The following DIP2A variants were observed in gnomAD, a reference collection of about 807,000 sequenced individuals.
DIP2A encodes the protein disco-interacting protein 2 homolog A.
Under a neutral mutation model 177.4 loss-of-function variants are expected in DIP2A, and 85 were observed. The ratio of observed to expected loss-of-function variants is 0.48; its 90% CI spans 0.40 to 0.57. The LOEUF is 0.57. DIP2A is among the 20% of genes least tolerant of loss of function. The pLI, the probability that DIP2A is intolerant of heterozygous loss-of-function variation, is 0.00. For missense variants in DIP2A, 1,791 were observed against 2,100.2 expected, an observed-to-expected ratio of 0.85 and a Z score of 2.88; for synonymous variants, 886 against 881.8, an observed-to-expected ratio of 1.00 and a Z score of -0.08.
the DIP2A span, among the ~76,000 whole-genome samples, chr21:46,575,196 A>G: frequency 6.6e-6 from 1 of 152,212 alleles, no homozygotes; most frequent in Non-Finnish European, 1.5e-5. Context: ...GTCTCGATTG[A>G]TGCAGCAAAG....
intron 35 of DIP2A, among the ~76,000 whole-genome samples, chr21:46,564,302 A>C (rs1216351836): frequency 6.6e-6 from 1 of 152,180 alleles, no homozygotes; most frequent in Admixed American, 6.5e-5. Context: ...AGACACGGGG[A>C]ACTGGCAATA....
intron 35 of DIP2A, 144 bp downstream of exon 35, chr21:46,564,076 C>T: frequency 2.2e-6 from 2 of 906,234 alleles, no homozygotes; most frequent in Non-Finnish European, 3.3e-6. Flanking sequence ...CGTGTACCTC[C>T]CAGACCCAGT....
At chr21:46,561,931 C>T in intron 34 of DIP2A, 126 bp downstream of exon 34, 1 of 1,486,548 alleles carries the variant, frequency 6.7e-7, no homozygotes. Flanking sequence ...TTGGGGTGGG[C>T]TCGGCTGCTG....
Position 46,498,445 on chromosome 21 carries a change from G to T in DIP2A, c.404-137G>T. 1 of 1,054,412 alleles carries T rather than the reference G, an allele frequency of 9.5e-7. No homozygotes were observed. The highest frequency in any genetic ancestry group is 1.4e-6 in the Non-Finnish European group (1 of 726,426). The allele number at this position is 1,054,412 out of a possible 1,614,324, so 65.3% of individuals were successfully genotyped here. A position where few individuals can be genotyped will look rare whatever the true frequency, so the allele number is the denominator to read the frequency against. On this transcript the variant is annotated intron_variant, in intron 4 of 37. Transcript: ENST00000417564. The surrounding 1 kb of genome is among the most constrained non-coding windows in gnomAD (Gnocchi z 4.3). ...TGAGGGTGACCTTTGAGCTGACTGCGTGGCTTTGGGCAGAGCTGTGCCAGG... is the reference window on the plus strand; with the variant it reads ...TGAGGGTGACCTTTGAGCTGACTGCTTGGCTTTGGGCAGAGCTGTGCCAGG...
At chr21:46,558,124 A>C (rs1456319848) in intron 31 of DIP2A, 99 bp from the exon 32 acceptor site, 4 of 1,288,308 alleles carry the variant, frequency 3.1e-6, no homozygotes, top group Non-Finnish European at 4.2e-6. Flanking sequence ...GTCCAGCTCC[A>C]CCTCTGTGTG....
chr21:46,558,394 G>T lies in DIP2A; in HGVS notation c.3969+1G>T. ...GGTCAACGTGGCCATCTGCCTCCAG[G>T]TGAGGTGCCTGGGGCTGCGGTTCTC... On this transcript the variant is annotated splice_donor_variant, in intron 32 of 37. Transcript: ENST00000417564. LOFTEE classifies it high-confidence loss of function. 1.4e-6 allele frequency: 2 copies of T among 1,449,772 alleles called. No homozygotes were observed. The highest frequency in any genetic ancestry group is 1.8e-6 in the Non-Finnish European group (2 of 1,108,746). 89.8% of individuals were successfully genotyped at this position (1,449,772 alleles called of 1,614,324 possible).
chr21:46,513,789 G>T (rs1359941343), intron 8 of DIP2A, among the ~76,000 whole-genome samples: 1 of 152,014 alleles, frequency 6.6e-6, no homozygotes, highest in Non-Finnish European at 1.5e-5. Context: ...TTGGATTTCT[G>T]ATTTTTGGAC....
intron 18 of DIP2A, among the ~76,000 whole-genome samples, chr21:46,543,748 C>G (rs1057371529): frequency 6.6e-6 from 1 of 152,136 alleles, no homozygotes; most frequent in African/African-American, 2.4e-5. Flanking sequence ...GTGACCTTGC[C>G]CCATCTCTGC....
rs772942904 is a variant in DIP2A, at chr21:46,540,040, G to A, written c.2036+49G>A. On this transcript the variant is annotated intron_variant, in intron 17 of 37. Transcript: ENST00000417564. ...TCATGAGCACTTAGTTGAATCTTCT[G>A]CATACAGCTGAGTTATCCTGGAGCT... The A allele has an allele frequency of 2.0e-6, 3 of 1,473,162 alleles. No homozygotes were observed. In the African/African-American group the frequency reaches 4.2e-5, roughly 20 times the overall value. 91.3% of individuals were successfully genotyped at this position (1,473,162 alleles called of 1,614,324 possible).
intron 28 of DIP2A, 153 bp from the exon 29 acceptor site, chr21:46,555,829 A>G (rs1282278217): frequency 2.9e-6 from 2 of 685,026 alleles, no homozygotes; most frequent in African/African-American, 1.8e-5. Context: ...CTGAGCACGC[A>G]CAGCCTGCAT....
chr21:46,546,591 C>T (rs11910506), intron 20 of DIP2A, among the ~76,000 whole-genome samples: 17,498 of 152,246 alleles, frequency 0.11, 1,215 homozygotes, highest in East Asian at 0.32. Flanking sequence ...ACCCACAACT[C>T]GTTTCCCACT....
chr21:46,477,573 C>G (rs74677435), intron 1 of DIP2A, among the ~76,000 whole-genome samples: 31,032 of 76,880 alleles, frequency 0.4, 4,591 homozygotes, highest in East Asian at 0.48. Context: ...GTGTGTATTT[C>G]TTTTTTTTTT....
At chr21:46,479,068 A>G (rs575216105) in intron 1 of DIP2A, among the ~76,000 whole-genome samples, 18 of 152,314 alleles carry the variant, frequency 1.2e-4, no homozygotes, top group African/African-American at 3.6e-4. Context: ...GTGCTGCTCT[A>G]TTTTTAGTTC....
intron 25 of DIP2A, 85 bp downstream of exon 25, chr21:46,551,989 C>T (rs973839902): frequency 7.0e-6 from 10 of 1,433,620 alleles, no homozygotes; most frequent in Non-Finnish European, 7.6e-6. Context: ...GTGCCAGTGT[C>T]CTGGTTGTTC....
At chr21:46,548,498 A>G (rs897440493) in intron 21 of DIP2A, among the ~76,000 whole-genome samples, 1 of 152,242 alleles carries the variant, frequency 6.6e-6, no homozygotes, top group Non-Finnish European at 1.5e-5. Context: ...TGCCATTGGA[A>G]GAAGAGCAAT....
At chr21:46,511,835 C>G (rs968743248) in intron 8 of DIP2A, among the ~76,000 whole-genome samples, 3 of 152,136 alleles carry the variant, frequency 2.0e-5, no homozygotes, top group African/African-American at 7.2e-5. Flanking sequence ...TTGGAGCGTT[C>G]TATGTATGCA....
intron 2 of DIP2A, among the ~76,000 whole-genome samples, chr21:46,485,908 T>G (rs1049661248): frequency 2.0e-5 from 3 of 151,296 alleles, no homozygotes; most frequent in African/African-American, 7.3e-5. Context: ...TTGTCTCTAC[T>G]AAAAATATAA....
rs780736341 is a variant in DIP2A, at chr21:46,567,663, C to G, written c.*41C>G. On this transcript the variant is annotated 3_prime_UTR_variant, in exon 38 of 38. Transcript: ENST00000417564. ...CCAGGTGCCGGAGATGAATGAGCCCCAGCAGTCCAAGGTGTGATGTGGGAA... is the reference window on the plus strand; with the variant it reads ...CCAGGTGCCGGAGATGAATGAGCCCGAGCAGTCCAAGGTGTGATGTGGGAA... 6 of 1,551,140 alleles carry G rather than the reference C, an allele frequency of 3.9e-6. No homozygotes were observed. In the African/African-American group the frequency reaches 6.8e-5, roughly 18 times the overall value.
rs1213564804 is a variant in DIP2A, at chr21:46,497,097, C to CATT, written c.394_395insTTA (p.Tyr131_Thr132insIle). 6.2e-7 allele frequency: 1 copy of CATT among 1,611,868 alleles called. No individual in the cohort carries two copies. Among genetic ancestry groups the CATT allele is most frequent in the South Asian group, 1.1e-5 (1 of 90,876 alleles). On this transcript the variant is annotated inframe_insertion, in exon 4 of 38. Transcript: ENST00000417564. ...TTGTGCATTCGTCTGTGGAAACCTACACCCCTCCAGGTATTGATAAACAAT... is the reference window on the plus strand; with the variant it reads ...TTGTGCATTCGTCTGTGGAAACCTACATTACCCCTCCAGGTATTGATAAACAAT...
Sources: allele counts gnomAD v4.1 joint callset (sites outside exome capture counted in the v4.1 genomes callset), GRCh38; gene constraint gnomAD v4.1.1; non-coding constraint Gnocchi (gnomAD v3.1); transcripts MANE v1.5; gene names NCBI Gene and HGNC (gene_info 2026-07-23, HGNC 2026-07-21).